The following ZNF687 variants were observed in gnomAD, a reference collection of about 807,000 sequenced individuals.
ZNF687 encodes zinc finger protein 687.
In ZNF687, 13 loss-of-function variants were observed where a neutral mutation model predicts 71.8. The observed-to-expected ratio is 0.18, with a 90% CI of 0.12 to 0.29. The LOEUF is 0.29. ZNF687 is among the 10% of genes least tolerant of loss of function. ZNF687 has a pLI of 1.00. For missense variants in ZNF687, 1,412 were observed against 1,625.6 expected (o/e 0.87, Z 2.26); for synonymous variants, 673 against 641.6 (o/e 1.05, Z -0.74).
At chr1:151,286,056 G>A in intron 1 of ZNF687, 1 of 380,486 alleles carries the variant, frequency 2.6e-6, no homozygotes, top group Non-Finnish European at 4.7e-6. Flanking sequence ...GCTTTCTCTG[G>A]ATTTTGGAGC....
Position 151,290,757 on chromosome 1 carries a change from G to A in ZNF687, c.3262G>A (p.Glu1088Lys). The A allele has an allele frequency of 6.2e-7, 1 of 1,612,696 alleles. No homozygotes were observed. Among genetic ancestry groups the A allele is most frequent in the Non-Finnish European group, 8.5e-7 (1 of 1,179,342 alleles). Residue 1088 changes from glutamate (E) to lysine (K), a missense_variant, in exon 9 of 9, where the codon GAG (glutamate) becomes AAG (lysine). This residue lies in a region of ZNF687 where 284 missense variants were observed against 359.2 expected (regional missense o/e 0.79). Coordinates refer to ENST00000336715, the MANE Select transcript of ZNF687 (RefSeq NM_020832.3). ...CCGCCAGTCTTCTGACTCTTGCAGT[G>A]AGGAGCCTGACAGCACGACACCGCC... ...KRRQSSDSCS[E>K]EPDSTTPPAK...
rs780468026 is a variant in ZNF687 at position 151,287,440 on chromosome 1, A to G, written c.1149A>G (p.Pro383=). ...LSPATPTSEG[P]KVVSVQLGDG... is the part of the protein sequence containing the mutation. ...CTGCAACACCTACTTCTGAGGGTCC[A>G]AAGGTGGTGAGCGTACAGTTGGGTG... Residue 383 remains proline (P), a synonymous_variant, in exon 2 of 9, where the codon CCA becomes CCG. Transcript: ENST00000336715. The surrounding 1 kb of genome is among the most constrained non-coding windows in gnomAD (Gnocchi z 5.0). The G allele has an allele frequency of 1.1e-5, 17 of 1,614,034 alleles. No homozygotes were observed. The East Asian group carries it at 3.6e-4, about 34-fold the overall frequency.
chr1:151,283,198 C>G (rs1693798708), intron 1 of ZNF687: 1 of 985,342 alleles, frequency 1.0e-6, no homozygotes, highest in South Asian at 4.7e-5. Flanking sequence ...GACTTGCTCC[C>G]CGCGCCAGCC....
At chr1:151,288,967 C>G in intron 3 of ZNF687, 128 bp from the exon 4 acceptor site, 6 of 1,114,374 alleles carry the variant, frequency 5.4e-6, no homozygotes, top group Non-Finnish European at 7.6e-6. Flanking sequence ...CCTTTCTCCA[C>G]CCTGCTCATG....
At position 151,288,272 on chromosome 1, in the gene ZNF687, C is replaced by T; in HGVS notation, c.1981C>T (p.Pro661Ser). Residue 661 changes from proline (P) to serine (S), a missense_variant, in exon 2 of 9, where the codon CCG (proline) becomes TCG (serine). Coordinates refer to ENST00000336715, the MANE Select transcript of ZNF687 (RefSeq NM_020832.3). Reference protein sequence around the residue: ...EAPVLPLSTEPPAAPATSAYT... With the variant: ...EAPVLPLSTESPAAPATSAYT... ...CCCTGTCCTGCCGCTCTCCACAGAGCCGCCTGCTGCCCCGGCCACCTCTGC... is the reference window on the plus strand; with the variant it reads ...CCCTGTCCTGCCGCTCTCCACAGAGTCGCCTGCTGCCCCGGCCACCTCTGC... 6.2e-7 allele frequency: 1 copy of T among 1,613,654 alleles called. No individual in the cohort carries two copies. Among genetic ancestry groups the T allele is most frequent in the Non-Finnish European group, 8.5e-7 (1 of 1,180,000 alleles).
rs1236032767 is a variant in ZNF687 at position 151,290,235 on chromosome 1, G to GT, written c.3077+2dup. 6.2e-7 allele frequency: 1 copy of GT among 1,613,874 alleles called. No homozygotes were observed. The highest frequency in any genetic ancestry group is 1.3e-5 in the African/African-American group (1 of 75,068). ...GCATCAAGCGAGTTTACCCCTGCAG[G>GT]TAAGTCTTGCTCCCCGCTTCCTCTT... On this transcript the variant is annotated splice_donor_variant, in intron 7 of 8. Transcript: ENST00000336715. LOFTEE classifies it high-confidence loss of function.
Position 151,287,781 on chromosome 1 carries a change from T to C in ZNF687, c.1490T>C (p.Leu497Pro). 1.2e-6 allele frequency: 2 copies of C among 1,614,082 alleles called. No homozygotes were observed. Among genetic ancestry groups the C allele is most frequent in the Non-Finnish European group, 1.7e-6 (2 of 1,180,016 alleles). Residue 497 changes from leucine to proline, a missense_variant, in exon 2 of 9, where the codon CTG (leucine) becomes CCG (proline). By Grantham distance (98) the Leu-to-Pro change is moderately conservative. Around this residue, in one of 8 missense-constraint regions of ZNF687, gnomAD observed 133 missense variants for 155.1 expected, o/e 0.86. Coordinates refer to ENST00000336715, the MANE Select transcript of ZNF687 (RefSeq NM_020832.3). This position sits in a 1 kb window ranked among gnomAD's most constrained non-coding sequence, Gnocchi z 5.0. ...GTVISRTQSS[L>P]VEAFNKILNS... Reference sequence around the variant, plus strand: ...GTGATATCACGGACCCAGTCCAGCCTGGTGGAGGCCTTCAACAAGATCCTC... The same window carrying C: ...GTGATATCACGGACCCAGTCCAGCCCGGTGGAGGCCTTCAACAAGATCCTC...
chr1:151,290,289 G>A (rs1694165993), intron 7 of ZNF687, 55 bp downstream of exon 7: 2 of 1,609,408 alleles, frequency 1.2e-6, no homozygotes, highest in African/African-American at 1.3e-5. Context: ...CTCCCTGTAT[G>A]CCAAAGTACC....
Position 151,291,383 on chromosome 1 carries a change from T to C in ZNF687, c.*174T>C. Reference sequence around the variant, plus strand: ...TTATTCTAGTTATTTGCAACCTCCCTTTGGGTTTGGCCCTGGAGTCCTAGT... The same window carrying C: ...TTATTCTAGTTATTTGCAACCTCCCCTTGGGTTTGGCCCTGGAGTCCTAGT... On this transcript the variant is annotated 3_prime_UTR_variant, in exon 9 of 9. Transcript: ENST00000336715. 1 of 907,800 alleles carries C rather than the reference T, an allele frequency of 1.1e-6. No homozygotes were observed. The highest frequency in any genetic ancestry group is 1.6e-6 in the Non-Finnish European group (1 of 623,254). The allele number at this position is 907,800 out of a possible 1,614,324, so 56.2% of individuals were successfully genotyped here. A position where few individuals can be genotyped will look rare whatever the true frequency, so the allele number is the denominator to read the frequency against.
At chr1:151,286,033 T>A (rs2101867814) in intron 1 of ZNF687, 1 of 337,810 alleles carries the variant, frequency 3.0e-6, no homozygotes, top group East Asian at 4.6e-5. Flanking sequence ...TTCTAAGAAC[T>A]CTCTTTTCCC....
rs980632643 is a variant in ZNF687, at chr1:151,282,372, C to T, written c.-41C>T. 3.6e-5 allele frequency: 36 copies of T among 990,530 alleles called. No individual in the cohort carries two copies. In the African/African-American group the frequency reaches 5.7e-4, roughly 16 times the overall value. 61.4% of individuals were successfully genotyped at this position (990,530 alleles called of 1,614,324 possible). ...GAGCGGGGTAGAGACCGCCGGGTCT[C>T]GGCCCGCACCAGGAGCGGAACAAGT... On this transcript the variant is annotated 5_prime_UTR_variant, in exon 1 of 9. Transcript: ENST00000336715.
rs910294413 is a variant in ZNF687 at position 151,291,406 on chromosome 1, A to G, written c.*197A>G. ...CCTTTGGGTTTGGCCCTGGAGTCCTAGTAGAGTGGACCCTCCATTCCTCCT... is the reference window on the plus strand; with the variant it reads ...CCTTTGGGTTTGGCCCTGGAGTCCTGGTAGAGTGGACCCTCCATTCCTCCT... On this transcript the variant is annotated 3_prime_UTR_variant, in exon 9 of 9. Coordinates refer to ENST00000336715, the MANE Select transcript of ZNF687 (RefSeq NM_020832.3). The G allele has an allele frequency of 3.1e-6, 2 of 648,534 alleles. No individual in the cohort carries two copies. The highest frequency in any genetic ancestry group is 5.1e-6 in the Non-Finnish European group (2 of 392,440). The allele number at this position is 648,534 out of a possible 1,614,324, so 40.2% of individuals were successfully genotyped here. A position where few individuals can be genotyped will look rare whatever the true frequency, so the allele number is the denominator to read the frequency against.
chr1:151,289,849 G>T lies in ZNF687; in HGVS notation c.2806G>T (p.Glu936Ter). The change falls in exon 6 of 9, where the codon GAG becomes TAG. Residue 936 changes from glutamate to a stop codon, truncating the protein, a stop_gained. Transcript: ENST00000336715. LOFTEE classifies it high-confidence loss of function. ...AGAGGAGGAAGTACCCAGCTCCCCT[G>T]AGCCCCCCCGTCCAGCCAAACGGCC... is the stretch of plus-strand genomic sequence containing the variant. ...SEEEEVPSSPEPPRPAKRPRR... is the reference protein window; with the variant it reads ...SEEEEVPSSP The T allele has an allele frequency of 6.4e-7, 1 of 1,568,092 alleles. No individual in the cohort carries two copies. The highest frequency in any genetic ancestry group is 1.9e-5 in the Admixed American group (1 of 53,088).
rs746443850 is a variant in ZNF687 at position 151,291,074 on chromosome 1, G to T, written c.3579G>T (p.Leu1193=). Residue 1193 remains leucine (L), a synonymous_variant, in exon 9 of 9, where the codon CTG becomes CTT. Transcript: ENST00000336715. ...RSDPDGGDSP[L]PASGGPLTCK... ...ACCCCGATGGTGGAGACTCACCCCT[G>T]CCTGCTTCTGGAGGCCCACTGACCT... 7 of 1,613,638 alleles carry T rather than the reference G, an allele frequency of 4.3e-6. No homozygotes were observed. In the Admixed American group the frequency reaches 1.2e-4, roughly 27 times the overall value.
chr1:151,289,259 C>G lies in ZNF687; in HGVS notation c.2459C>G (p.Thr820Ser). ...HLYSQHPSFQ[T>S]QQAKLIYKCA... ...TACTCCCAGCATCCCAGCTTCCAAA[C>G]TCAGCAGGCCAAGTGAGGCCCGGGG... The change falls in exon 4 of 9, where the codon ACT becomes AGT. Residue 820 changes from threonine to serine, a missense_variant. By Grantham distance (58) the Thr-to-Ser change is moderately conservative. This residue lies in a region of ZNF687 where 106 missense variants were observed against 146.0 expected (regional missense o/e 0.73). Coordinates refer to ENST00000336715, the MANE Select transcript of ZNF687 (RefSeq NM_020832.3). 2.5e-6 allele frequency: 4 copies of G among 1,613,936 alleles called. No individual in the cohort carries two copies. Among genetic ancestry groups the G allele is most frequent in the Non-Finnish European group, 3.4e-6 (4 of 1,179,930 alleles).
At position 151,289,416 on chromosome 1, in the gene ZNF687, C is replaced by T; in HGVS notation, c.2510C>T (p.Thr837Ile). 6.2e-7 allele frequency: 1 copy of T among 1,614,220 alleles called. No individual in the cohort carries two copies. Among genetic ancestry groups the T allele is most frequent in the Non-Finnish European group, 8.5e-7 (1 of 1,180,058 alleles). ...YKCAMCDTVFTHKPLLSSHFD... is the reference protein window; with the variant it reads ...YKCAMCDTVFIHKPLLSSHFD... ...TGCGCCATGTGCGACACAGTCTTCACTCACAAACCCCTCCTCTCCTCACAC... is the reference window on the plus strand; with the variant it reads ...TGCGCCATGTGCGACACAGTCTTCATTCACAAACCCCTCCTCTCCTCACAC... Residue 837 changes from threonine (T) to isoleucine (I), a missense_variant, in exon 5 of 9, where the codon ACT becomes ATT. By Grantham distance (89) the Thr-to-Ile change is moderately conservative. Transcript: ENST00000336715.
In ZNF687 at chr1:151,288,298, T is replaced by G; in HGVS notation, c.2007T>G (p.Ala669=). 6.2e-7 allele frequency: 1 copy of G among 1,613,332 alleles called. No homozygotes were observed. ...CGCCTGCTGCCCCGGCCACCTCTGC[T>G]TACACATGCTTTCGCTGCCTGGAGT... ...TEPPAAPATS[A]YTCFRCLECK... is the part of the protein sequence containing the mutation. The change falls in exon 2 of 9, where the codon GCT becomes GCG. Residue 669 remains alanine (A), a synonymous_variant. Coordinates refer to ENST00000336715, the MANE Select transcript of ZNF687 (RefSeq NM_020832.3).
At chr1:151,282,633 G>C (rs1693764448) in intron 1 of ZNF687, among the ~76,000 whole-genome samples, 3 of 152,216 alleles carry the variant, frequency 2.0e-5, no homozygotes, top group African/African-American at 7.2e-5. Flanking sequence ...GAGAACCCCA[G>C]GTCCTGGCGC....
chr1:151,289,724 C>T lies in ZNF687; in HGVS notation c.2681C>T (p.Ala894Val), dbSNP rs41270700. 4.0e-4 allele frequency: 626 copies of T among 1,560,208 alleles called. No individual in the cohort carries two copies. The highest frequency in any genetic ancestry group is 5.0e-4 in the Non-Finnish European group (577 of 1,151,400). ...TTGGAGGAGACTGCTGGGAAAGGGG[C>T]CGGGGGTGCCCTGCTGACCCCCAAG... ...GRLEETAGKGAGGALLTPKTE... is the reference protein window; with the variant it reads ...GRLEETAGKGVGGALLTPKTE... The change falls in exon 6 of 9, where the codon GCC becomes GTC. Residue 894 changes from alanine (A) to valine (V), a missense_variant. Coordinates refer to ENST00000336715, the MANE Select transcript of ZNF687 (RefSeq NM_020832.3).
Sources: allele counts gnomAD v4.1 joint callset (sites outside exome capture counted in the v4.1 genomes callset), GRCh38; gene constraint gnomAD v4.1.1; regional missense constraint gnomAD v4.1.1; non-coding constraint Gnocchi (gnomAD v3.1); transcripts MANE v1.5; gene names NCBI Gene and HGNC (gene_info 2026-07-23, HGNC 2026-07-21).